The following BET1 variants were observed in gnomAD, a reference collection of about 807,000 sequenced individuals.
BET1 encodes the protein Bet1 golgi vesicular membrane trafficking protein.
Under a neutral mutation model 13.9 loss-of-function variants are expected in BET1, and 9 were observed. The ratio of observed to expected loss-of-function variants is 0.65; its 90% CI spans 0.39 to 1.13. The LOEUF is 1.13. Among genes scored for constraint, BET1 ranks in the 50% most tolerant of loss-of-function variants. The pLI, the probability that BET1 is intolerant of heterozygous loss-of-function variation, is 0.01. For missense variants in BET1, 127 were observed against 133.6 expected, an observed-to-expected ratio of 0.95 and a Z score of 0.24; for synonymous variants, 39 against 47.3, an observed-to-expected ratio of 0.82 and a Z score of 0.72.
At chr7:93,981,208 T>C (rs1250803306) in intron 4 of BET1, among the ~76,000 whole-genome samples, 3 of 152,208 alleles carry the variant, frequency 2.0e-5, no homozygotes, top group African/African-American at 7.2e-5. Flanking sequence ...AGTGACCAAC[T>C]CTTCCTGGTC....
At chr7:93,976,140 G>A in intron 4 of BET1, 1 of 1,132,190 alleles carries the variant, frequency 8.8e-7, no homozygotes, top group African/African-American at 1.6e-5. Context: ...TAAATAATTT[G>A]AAAAAACAAA....
chr7:93,987,769 T>C (rs181612817), intron 4 of BET1, among the ~76,000 whole-genome samples: 166 of 152,310 alleles, frequency 1.1e-3, no homozygotes, highest in African/African-American at 3.8e-3. Flanking sequence ...GATTACAAAA[T>C]GTGAATTTTG....
downstream of BET1, chr7:93,992,598 A>C (rs933594965): frequency 5.1e-6 from 5 of 985,276 alleles, no homozygotes; most frequent in African/African-American, 8.7e-5. Context: ...CAATTGCCTG[A>C]TGAAAATACC....
chr7:93,982,857 C>G (rs1395347090), intron 4 of BET1, among the ~76,000 whole-genome samples: 1 of 152,178 alleles, frequency 6.6e-6, no homozygotes. Flanking sequence ...ATACTATCAA[C>G]ACCTCTACAT....
intron 6 of BET1, among the ~76,000 whole-genome samples, chr7:93,970,820 AT>A (rs935268932): frequency 1.3e-5 from 2 of 151,802 alleles, no homozygotes; most frequent in African/African-American, 4.8e-5. Context: ...TAATTCAACC[AT>A]TTAGTTTTTT....
At chr7:93,976,495 T>A (rs1175598764) in intron 4 of BET1, among the ~76,000 whole-genome samples, 1 of 152,108 alleles carries the variant, frequency 6.6e-6, no homozygotes, top group Non-Finnish European at 1.5e-5. Context: ...TCATTTTTAT[T>A]TAAACTAGTC....
At chr7:93,996,517 T>A (rs142097404) in intron 2 of BET1, among the ~76,000 whole-genome samples, 196 bp from the exon 3 acceptor site, 3 of 152,006 alleles carry the variant, frequency 2.0e-5, no homozygotes, top group African/African-American at 7.2e-5. Context: ...CTCCCAATTA[T>A]GGACATTTCT....
chr7:93,996,774 C>T (rs1795780341), intron 2 of BET1, among the ~76,000 whole-genome samples: 1 of 150,922 alleles, frequency 6.6e-6, no homozygotes, highest in South Asian at 2.1e-4. Flanking sequence ...GTTTGTTATA[C>T]AGTTAAACTC....
rs762670125 is a variant in BET1, at chr7:94,004,268, A to C, written c.-52T>G. On this transcript the variant is annotated 5_prime_UTR_variant, in exon 1 of 4. Transcript: ENST00000222547. ...GGGTGCGGGGCTTTGGGTGAGTAGGAAACAGCTAGGGGCGACCCGGACCGC... is the reference window on the plus strand; with the variant it reads ...GGGTGCGGGGCTTTGGGTGAGTAGGCAACAGCTAGGGGCGACCCGGACCGC... 109 of 1,613,678 alleles carry C rather than the reference A, an allele frequency of 6.8e-5. No homozygotes were observed. The highest frequency in any genetic ancestry group is 9.2e-5 in the Non-Finnish European group (108 of 1,179,796).
intron 6 of BET1, among the ~76,000 whole-genome samples, chr7:93,969,170 A>C (rs1420401158): frequency 6.6e-6 from 1 of 151,854 alleles, no homozygotes; most frequent in East Asian, 1.9e-4. Flanking sequence ...AAAAGTGAGG[A>C]GTAAGAGGAG....
At chr7:93,976,353 T>G (rs1403304853) in intron 4 of BET1, among the ~76,000 whole-genome samples, 1 of 149,290 alleles carries the variant, frequency 6.7e-6, no homozygotes, top group Non-Finnish European at 1.5e-5. Flanking sequence ...ATTGTGTGTG[T>G]GTGTGTGTGT....
At chr7:93,992,627 C>T (rs75287657), downstream of BET1, 3 of 985,190 alleles carry the variant, frequency 3.0e-6, no homozygotes, top group East Asian at 3.4e-4. Flanking sequence ...GGTATTTCAT[C>T]ACCTTGAAGC....
intron 3 of BET1, 69 bp downstream of exon 3, chr7:93,996,196 A>G (rs746015589): frequency 1.3e-5 from 15 of 1,183,202 alleles, no homozygotes; most frequent in African/African-American, 6.2e-5. Flanking sequence ...CAAAATGAAT[A>G]AAAGTTGAAA....
chr7:93,993,889 T>G lies in BET1; in HGVS notation c.*341A>C. 6.5e-7 allele frequency: 1 copy of G among 1,535,794 alleles called. No homozygotes were observed. Among genetic ancestry groups the G allele is most frequent in the South Asian group, 1.2e-5 (1 of 84,028 alleles). On this transcript the variant is annotated 3_prime_UTR_variant, in exon 4 of 4. Transcript: ENST00000222547. ...GGCATTCTGTTACTCTCCCACTAAG[T>G]TTCCTTACATGGGACATAAACCTGC... is the stretch of plus-strand genomic sequence containing the variant.
chr7:93,975,573 G>A (rs1795322993), intron 5 of BET1, among the ~76,000 whole-genome samples: 2 of 152,028 alleles, frequency 1.3e-5, no homozygotes, highest in South Asian at 4.1e-4. Flanking sequence ...AAAAGATAAT[G>A]CAAAAATGTT....
rs775771551 is a variant in BET1, at chr7:94,004,209, C to T, written c.8G>A (p.Arg3His). 10 of 1,614,050 alleles carry T rather than the reference C, an allele frequency of 6.2e-6. No homozygotes were observed. Among genetic ancestry groups the T allele is most frequent in the African/African-American group, 1.3e-5 (1 of 75,020 alleles). Residue 3 changes from arginine to histidine, a missense_variant, in exon 1 of 4, where the codon CGT (arginine) becomes CAT (histidine). By Grantham distance (29) the Arg-to-His change is conservative. Transcript: ENST00000222547. ...AGCCCTCTTCTTACCCAGGCCTGCA[C>T]GCCTCATCCTGCCAGAGGAGAGAGA... Reference protein sequence around the residue: MRRAGLGEGVPPG... With the variant: MRHAGLGEGVPPG...
intron 1 of BET1, among the ~76,000 whole-genome samples, chr7:94,002,537 T>A (rs1040946422): frequency 6.6e-6 from 1 of 151,970 alleles, no homozygotes; most frequent in Non-Finnish European, 1.5e-5. Context: ...ATTCTAATTT[T>A]ACTGGCTGAG....
chr7:93,971,399 A>G (rs1192756735), intron 6 of BET1, among the ~76,000 whole-genome samples: 3 of 151,784 alleles, frequency 2.0e-5, no homozygotes, highest in Non-Finnish European at 3.0e-5. Context: ...TCAATACAGG[A>G]ATTCTGTTCC....
intron 1 of BET1, among the ~76,000 whole-genome samples, chr7:93,999,906 A>G (rs1795858494): frequency 6.6e-6 from 1 of 152,178 alleles, no homozygotes. Flanking sequence ...AAGAATTACC[A>G]TGTATCAGAT....
Sources: allele counts gnomAD v4.1 joint callset (sites outside exome capture counted in the v4.1 genomes callset), GRCh38; gene constraint gnomAD v4.1.1; transcripts MANE v1.5; gene names NCBI Gene and HGNC (gene_info 2026-07-23, HGNC 2026-07-21).